RNF214: variants seen among roughly 807,000 people sequenced by gnomAD.
RNF214 encodes the protein ring finger protein 214.
In RNF214, 25 loss-of-function variants were observed where a neutral mutation model predicts 75.9. That is an observed-to-expected ratio of 0.33 (90% CI 0.24 to 0.46). The LOEUF (loss-of-function observed/expected upper bound fraction) is 0.46, where lower values mean the gene tolerates loss of function less well. Ranked by LOEUF, RNF214 falls within the 20% of genes least tolerant of loss-of-function variation. The pLI, the probability that RNF214 is intolerant of heterozygous loss-of-function variation, is 1.00. For synonymous variants in RNF214, 314 were observed against 308.8 expected (o/e 1.02, Z -0.18); for missense variants, 725 against 857.5 (o/e 0.85, Z 1.93).
chr11:117,272,609 A>AT (rs544986485), intron 6 of RNF214, among the ~76,000 whole-genome samples: 4,109 of 147,212 alleles, frequency 0.028, 145 homozygotes, highest in African/African-American at 0.086. Context: ...TAAAATTAAA[A>AT]TTTTTTTTTT....
Position 117,282,083 on chromosome 11 carries a change from A to G in RNF214, c.1525A>G (p.Arg509Gly), listed in dbSNP as rs780111806. The G allele has an allele frequency of 6.2e-7, 1 of 1,614,052 alleles. No individual in the cohort carries two copies. Among genetic ancestry groups the G allele is most frequent in the South Asian group, 1.1e-5 (1 of 91,070 alleles). ...PSSPLPGSHG[R>G]NSPGLGSLVS... The stretch of plus-strand genomic sequence containing the variant: ...CTCACCCCTTCCTGGCTCCCATGGC[A>G]GAAATAGCCCTGGCTTGGGTTCCCT... Residue 509 changes from arginine (R) to glycine (G), a missense_variant, in exon 11 of 15, where the codon AGA becomes GGA. Transcript: ENST00000300650.
chr11:117,239,903 A>G (rs2033024328), intron 4 of RNF214, 43 bp downstream of exon 4: 1 of 1,060,946 alleles, frequency 9.4e-7, no homozygotes, highest in Non-Finnish European at 1.5e-6. Context: ...CCATTATCAA[A>G]TAGAAGATCT....
intron 5 of RNF214, among the ~76,000 whole-genome samples, chr11:117,246,386 C>G (rs1237044662): frequency 6.6e-6 from 1 of 151,504 alleles, no homozygotes; most frequent in African/African-American, 2.4e-5. Flanking sequence ...ACAAACAAAA[C>G]CCATACATAA....
At chr11:117,233,957 A>T (rs2032822236) in intron 1 of RNF214, among the ~76,000 whole-genome samples, 1 of 152,232 alleles carries the variant, frequency 6.6e-6, no homozygotes, top group African/African-American at 2.4e-5. Flanking sequence ...GACCACTTGG[A>T]AGATCCTGGC....
chr11:117,245,323 A>C (rs2134365930), intron 5 of RNF214, among the ~76,000 whole-genome samples: 1 of 151,404 alleles, frequency 6.6e-6, no homozygotes, highest in South Asian at 2.1e-4. Flanking sequence ...TGTCTCAAAA[A>C]AAGTATTAAT....
In RNF214 at chr11:117,238,586, T is replaced by C; in HGVS notation, c.108-15T>C. 6.3e-7 allele frequency: 1 copy of C among 1,588,808 alleles called. No homozygotes were observed. Among genetic ancestry groups the C allele is most frequent in the African/African-American group, 1.4e-5 (1 of 73,648 alleles). Reference sequence around the variant, plus strand: ...AGTATTATATACTTTTCTTTTTATCTTGTGTGTTTGATAGCACCAAAGACT... The same window carrying C: ...AGTATTATATACTTTTCTTTTTATCCTGTGTGTTTGATAGCACCAAAGACT... On this transcript the variant is annotated splice_polypyrimidine_tract_variant and intron_variant, in intron 2 of 14. Transcript: ENST00000300650.
chr11:117,247,860 A>C (rs1346155530), intron 6 of RNF214, among the ~76,000 whole-genome samples: 1 of 151,556 alleles, frequency 6.6e-6, no homozygotes, highest in Admixed American at 6.6e-5. Flanking sequence ...CTGTCTCAAA[A>C]AAAAAAAAAA....
intron 6 of RNF214, among the ~76,000 whole-genome samples, chr11:117,250,310 G>A (rs1347953308): frequency 6.6e-6 from 1 of 152,140 alleles, no homozygotes; most frequent in Non-Finnish European, 1.5e-5. Flanking sequence ...AGGACATTTT[G>A]GAATAATTGG....
At chr11:117,277,124 C>T (rs1290018516) in intron 6 of RNF214, among the ~76,000 whole-genome samples, 1 of 152,120 alleles carries the variant, frequency 6.6e-6, no homozygotes, top group Non-Finnish European at 1.5e-5. Flanking sequence ...TGGTGGATCA[C>T]CTGAGGTCAG....
At chr11:117,263,881 C>T in intron 6 of RNF214, 1 of 289,168 alleles carries the variant, frequency 3.5e-6, no homozygotes, top group Non-Finnish European at 6.8e-6. Context: ...TCTGGCAGGA[C>T]ACACAGCAGT....
At chr11:117,234,914 A>G (rs1190594446) in intron 2 of RNF214, among the ~76,000 whole-genome samples, 1 of 152,206 alleles carries the variant, frequency 6.6e-6, no homozygotes, top group Admixed American at 6.5e-5. Flanking sequence ...CTTACATAAA[A>G]TGGTGTAGTA....
intron 6 of RNF214, among the ~76,000 whole-genome samples, chr11:117,256,633 C>T (rs1055485820): frequency 2.6e-5 from 4 of 152,194 alleles, no homozygotes; most frequent in African/African-American, 7.2e-5. Flanking sequence ...AGATTTCTTA[C>T]ATGGTAGCCC....
intron 5 of RNF214, among the ~76,000 whole-genome samples, chr11:117,245,133 C>T (rs1457897356): frequency 2.0e-5 from 3 of 150,450 alleles, no homozygotes; most frequent in African/African-American, 7.3e-5. Context: ...GCCTGGGCAA[C>T]ATGGCAAAAT....
chr11:117,267,551 A>G (rs1019908357), intron 6 of RNF214, among the ~76,000 whole-genome samples: 2 of 151,856 alleles, frequency 1.3e-5, no homozygotes, highest in African/African-American at 2.4e-5. Flanking sequence ...CGTCTCTACA[A>G]AAAATACAAA....
Position 117,245,631 on chromosome 11 carries a change from TGC to T in RNF214, c.819+1049_819+1050del, listed in dbSNP as rs2033201188. On this transcript the variant is annotated intron_variant, in intron 5 of 14. Transcript: ENST00000300650. ...TGCTGGGATTACAGGCGTGAGCCAC[TGC>T]GCCAGACCACTCATAGACTTTTAAT... Among the ~76,000 whole-genome samples the T allele has an allele frequency of 2.0e-5, 3 of 152,224 alleles. No individual in the cohort carries two copies. The South Asian group carries it at 6.2e-4, about 32-fold the overall frequency.
chr11:117,282,569 A>G, intron 12 of RNF214, 33 bp downstream of exon 12: 1 of 1,610,862 alleles, frequency 6.2e-7, no homozygotes, highest in African/African-American at 1.3e-5. Context: ...GAACTTAGGC[A>G]TGTTGAGGGC....
chr11:117,255,557 T>TG lies in RNF214; in HGVS notation c.959+8610dup, dbSNP rs144886115. On this transcript the variant is annotated intron_variant, in intron 6 of 14. Coordinates refer to ENST00000300650, the MANE Select transcript of RNF214 (RefSeq NM_207343.4). ...CGTAGAGACAGGGTCTCAACTCTGT[T>TG]GCCCAGGCTGGTCTTGACCCCCTGG... Among the ~76,000 whole-genome samples, 331 of 152,202 alleles carry TG rather than the reference T, an allele frequency of 2.2e-3. 2 individuals carry two copies. The highest frequency in any genetic ancestry group is 7.6e-3 in the African/African-American group (316 of 41,528).
intron 1 of RNF214, 152 bp downstream of exon 1, chr11:117,232,878 CGGCCTAGAAGTGGGACGGGGGGGT>C (rs1007207790): frequency 1.5e-5 from 2 of 129,330 alleles, no homozygotes; most frequent in Admixed American, 1.7e-4. Flanking sequence ...GCGGGGGTCC[CGGCCTAGAAGTGGGACGGGGGGGT>C]GGCTGGCAGC....
chr11:117,264,182 T>G (rs541953), intron 6 of RNF214, among the ~76,000 whole-genome samples: 108,755 of 151,884 alleles, frequency 0.72, 40,427 homozygotes, highest in East Asian at 0.95. Flanking sequence ...AATTAGCCGG[T>G]CGTGGTGGCG....
Sources: gnomAD v4.1 joint callset for allele counts (sites outside exome capture counted in the v4.1 genomes callset) on GRCh38, gnomAD v4.1.1 for gene constraint, MANE v1.5 for transcripts, NCBI Gene and HGNC (gene_info 2026-07-23, HGNC 2026-07-21) for gene names.